The following DENND2A variants were observed in gnomAD, a reference collection of about 807,000 sequenced individuals.
DENND2A encodes DENN domain-containing protein 2A.
A neutral mutation model predicts 105.3 loss-of-function variants in DENND2A; 53 were observed. That is an observed-to-expected ratio of 0.50 (90% CI 0.40 to 0.63). DENND2A has a LOEUF of 0.63. DENND2A is among the 30% of genes least tolerant of loss of function. The pLI is 0.00. For missense variants in DENND2A, 1,138 were observed against 1,279.6 expected (o/e 0.89, Z 1.69); for synonymous variants, 522 against 508.4 (o/e 1.03, Z -0.36).
chr7:140,594,188 G>T (rs751457836), intron 3 of DENND2A, among the ~76,000 whole-genome samples: 1 of 152,102 alleles, frequency 6.6e-6, no homozygotes, highest in Admixed American at 6.5e-5. Context: ...GATTACAAGC[G>T]TGAGCCACCG....
chr7:140,573,636 G>T (rs893238857), intron 6 of DENND2A, among the ~76,000 whole-genome samples, 172 bp downstream of exon 6: 1 of 152,176 alleles, frequency 6.6e-6, no homozygotes, highest in Non-Finnish European at 1.5e-5. Flanking sequence ...AAAATGATCA[G>T]GACGAAGGTC....
intron 5 of DENND2A, among the ~76,000 whole-genome samples, chr7:140,583,724 T>G (rs953500018): frequency 1.4e-5 from 2 of 142,786 alleles, no homozygotes; most frequent in Non-Finnish European, 3.0e-5. Flanking sequence ...GGTCAGGAGA[T>G]CGAGACCATC....
At chr7:140,519,766 T>C in intron 18 of DENND2A, 48 bp from the exon 19 acceptor site, 6 of 1,533,784 alleles carry the variant, frequency 3.9e-6, no homozygotes, top group Non-Finnish European at 5.4e-6. Context: ...GTCTTTGCAC[T>C]TCTAAATGTG....
intron 14 of DENND2A, among the ~76,000 whole-genome samples, chr7:140,539,799 C>T (rs73487622): frequency 0.012 from 1,801 of 152,364 alleles, 31 homozygotes; most frequent in African/African-American, 0.041. Context: ...TTACCCTCTT[C>T]CTGTCTCAGA....
chr7:140,636,483 C>T (rs1224526745), intron 1 of DENND2A, among the ~76,000 whole-genome samples: 3 of 152,116 alleles, frequency 2.0e-5, no homozygotes, highest in Admixed American at 6.5e-5. Context: ...TGAGGACCTG[C>T]GAGGCATCCC....
intron 3 of DENND2A, among the ~76,000 whole-genome samples, chr7:140,590,446 G>A (rs1469751608): frequency 6.6e-6 from 1 of 152,226 alleles, no homozygotes; most frequent in Non-Finnish European, 1.5e-5. Flanking sequence ...TCCAGATTAT[G>A]TGTTGGGGTT....
chr7:140,533,718 C>T (rs918464282), intron 14 of DENND2A, among the ~76,000 whole-genome samples: 11 of 152,112 alleles, frequency 7.2e-5, no homozygotes, highest in Non-Finnish European at 1.5e-4. Context: ...AGGAGCTGCC[C>T]GTTTGTTGAC....
chr7:140,585,283 TAG>T (rs2130644312), intron 5 of DENND2A, among the ~76,000 whole-genome samples: 1 of 152,382 alleles, frequency 6.6e-6, no homozygotes, highest in African/African-American at 2.4e-5. Flanking sequence ...TCTTGTATCT[TAG>T]AGTATGCTCT....
chr7:140,627,968 T>G (rs1225960221), intron 1 of DENND2A, among the ~76,000 whole-genome samples: 1 of 152,058 alleles, frequency 6.6e-6, no homozygotes, highest in Non-Finnish European at 1.5e-5. Context: ...ATTTTTGTAT[T>G]TTTAGTAGAG....
At chr7:140,633,995 A>G (rs1800827888) in intron 1 of DENND2A, among the ~76,000 whole-genome samples, 1 of 150,884 alleles carries the variant, frequency 6.6e-6, no homozygotes, top group South Asian at 2.1e-4. Context: ...ATTAAAATAG[A>G]TTTCTTTTTT....
chr7:140,584,313 T>C (rs1798684928), intron 5 of DENND2A, among the ~76,000 whole-genome samples: 1 of 152,224 alleles, frequency 6.6e-6, no homozygotes, highest in African/African-American at 2.4e-5. Context: ...ATTTACGCAT[T>C]GTCTATGACT....
intron 1 of DENND2A, among the ~76,000 whole-genome samples, chr7:140,608,201 G>T (rs1799761633): frequency 6.6e-6 from 1 of 152,194 alleles, no homozygotes; most frequent in Non-Finnish European, 1.5e-5. Context: ...ATGATCTCCA[G>T]AGAAATGGCT....
chr7:140,611,847 G>A (rs1250310348), intron 1 of DENND2A, among the ~76,000 whole-genome samples: 1 of 152,190 alleles, frequency 6.6e-6, no homozygotes, highest in Non-Finnish European at 1.5e-5. Flanking sequence ...TAATAGGTGA[G>A]GGTTTCTTTG....
At chr7:140,534,081 A>ATTTTTTTTTTTTTTT (rs3042407) in intron 14 of DENND2A, among the ~76,000 whole-genome samples, 3,325 of 79,794 alleles carry the variant, frequency 0.042, 373 homozygotes, top group Non-Finnish European at 0.051. Context: ...TGCCTGGTTA[A>ATTTTTTTTTTTTTTT]TTTTTTTTTT....
At chr7:140,576,521 A>T (rs1444696540) in intron 5 of DENND2A, among the ~76,000 whole-genome samples, 1 of 152,200 alleles carries the variant, frequency 6.6e-6, no homozygotes, top group African/African-American at 2.4e-5. Context: ...TCAACTTATG[A>T]GGCCACATTT....
At chr7:140,590,672 C>T (rs112538263) in intron 3 of DENND2A, among the ~76,000 whole-genome samples, 5,484 of 151,792 alleles carry the variant, frequency 0.036, 177 homozygotes, top group African/African-American at 0.092. Flanking sequence ...CAAGGCCAGC[C>T]TGGGCAACAA....
rs1306619656 is a variant in DENND2A, at chr7:140,603,219, G to C, written c.-145-677C>G. Among the ~76,000 whole-genome samples, 11 of 152,124 alleles carry C rather than the reference G, an allele frequency of 7.2e-5. No homozygotes were observed. The East Asian group carries it at 2.1e-3, about 29-fold the overall frequency. On this transcript the variant is annotated intron_variant, in intron 2 of 19. Transcript: ENST00000496613. ...GAGAATTGCTGGAACCCGGGAGGCAGAGATTGCAGTAAACTTAGATTGCAC... is the reference window on the plus strand; with the variant it reads ...GAGAATTGCTGGAACCCGGGAGGCACAGATTGCAGTAAACTTAGATTGCAC...
intron 7 of DENND2A, among the ~76,000 whole-genome samples, chr7:140,569,262 G>A (rs1340036522): frequency 2.0e-5 from 3 of 152,164 alleles, no homozygotes; most frequent in Non-Finnish European, 4.4e-5. Flanking sequence ...CACAAACCAC[G>A]TCTCGTCCAA....
At chr7:140,579,265 A>G (rs1393197230) in intron 5 of DENND2A, among the ~76,000 whole-genome samples, 2 of 152,008 alleles carry the variant, frequency 1.3e-5, no homozygotes, top group Non-Finnish European at 2.9e-5. Context: ...TGCACTCCAG[A>G]CTGGCGACAG....
Sources: gnomAD v4.1 joint callset for allele counts (sites outside exome capture counted in the v4.1 genomes callset) on GRCh38, gnomAD v4.1.1 for gene constraint, MANE v1.5 for transcripts, NCBI Gene and HGNC (gene_info 2026-07-23, HGNC 2026-07-21) for gene names.